Variants in RRM2B observed in about 807,000 individuals in gnomAD.
RRM2B encodes ribonucleoside-diphosphate reductase subunit M2 B.
A neutral mutation model predicts 45.9 loss-of-function variants in RRM2B; 20 were observed. The ratio of observed to expected loss-of-function variants is 0.44; its 90% CI spans 0.31 to 0.63. The LOEUF is 0.63. Ranked by LOEUF, RRM2B falls within the 30% of genes least tolerant of loss-of-function variation. RRM2B has a pLI of 0.09. For missense variants in RRM2B, 320 were observed against 414.7 expected, an observed-to-expected ratio of 0.77 and a Z score of 1.98; for synonymous variants, 124 against 132.3, an observed-to-expected ratio of 0.94 and a Z score of 0.43.
chr8:102,238,322 C>A, intron 1 of RRM2B: 1 of 341,062 alleles, frequency 2.9e-6, no homozygotes, highest in Non-Finnish European at 5.7e-6. Flanking sequence ...GATTTTTTCA[C>A]TGGGAGGAGG....
intron 3 of RRM2B, 149 bp from the exon 4 acceptor site, chr8:102,225,167 T>C: frequency 2.8e-6 from 2 of 722,086 alleles, no homozygotes; most frequent in Non-Finnish European, 4.8e-6. Flanking sequence ...TTTTAAGCAG[T>C]ATCCTAGGCA....
intron 6 of RRM2B, 74 bp from the exon 7 acceptor site, chr8:102,214,232 T>C: frequency 1.0e-6 from 1 of 1,001,426 alleles, no homozygotes; most frequent in South Asian, 1.3e-5. Flanking sequence ...GGTCAAGCAT[T>C]GTATAAAGTG....
chr8:102,222,420 T>G (rs1810852538), intron 5 of RRM2B, among the ~76,000 whole-genome samples: 1 of 152,182 alleles, frequency 6.6e-6, no homozygotes. Flanking sequence ...GAGGCAAACA[T>G]ATCTGCTTCA....
At chr8:102,224,817 G>A in intron 4 of RRM2B, 68 bp downstream of exon 4, 2 of 1,435,724 alleles carry the variant, frequency 1.4e-6, no homozygotes, top group Non-Finnish European at 9.8e-7. Context: ...ATTGAGTTTT[G>A]GAATAAATTC....
chr8:102,232,383 G>A, intron 1 of RRM2B, 79 bp from the exon 2 acceptor site: 1 of 1,429,726 alleles, frequency 7.0e-7, no homozygotes, highest in Non-Finnish European at 9.8e-7. Flanking sequence ...ATCTAAGGAA[G>A]TCAGGGAGAC....
chr8:102,209,280 C>T (rs938994023), intron 8 of RRM2B, among the ~76,000 whole-genome samples: 2 of 152,046 alleles, frequency 1.3e-5, no homozygotes. Flanking sequence ...AAAATATGAA[C>T]ACTACAGATA....
At chr8:102,232,330 C>T (rs1443407542) in intron 1 of RRM2B, 26 bp from the exon 2 acceptor site, 2 of 1,606,276 alleles carry the variant, frequency 1.2e-6, no homozygotes, top group African/African-American at 1.3e-5. Flanking sequence ...TACAAACACG[C>T]CTTTTATATA....
intron 5 of RRM2B, among the ~76,000 whole-genome samples, chr8:102,220,247 T>C (rs1810807377): frequency 6.6e-6 from 1 of 152,080 alleles, no homozygotes. Context: ...AAAATCATCA[T>C]CATCATCACT....
chr8:102,224,244 C>A, intron 4 of RRM2B, 104 bp from the exon 5 acceptor site: 2 of 743,552 alleles, frequency 2.7e-6, no homozygotes, highest in Admixed American at 2.0e-5. Context: ...TGCAGTGGCA[C>A]GATCTCGGCT....
At chr8:102,229,037 T>C (rs1810982842) in intron 2 of RRM2B, among the ~76,000 whole-genome samples, 2 of 152,174 alleles carry the variant, frequency 1.3e-5, no homozygotes, top group Non-Finnish European at 2.9e-5. Flanking sequence ...GAGTGGATCA[T>C]GAGGTCAAGA....
Position 102,206,386 on chromosome 8 carries a change from A to C in RRM2B, c.*1747T>G, listed in dbSNP as rs1009292038. 6.6e-6 allele frequency: 1 copy of C among 152,194 alleles called. No homozygotes were observed. Among genetic ancestry groups the C allele is most frequent in the Non-Finnish European group, 1.5e-5 (1 of 68,008 alleles). The allele number at this position is 152,194 out of a possible 1,614,324, so 9.4% of individuals were successfully genotyped here. The stretch of plus-strand genomic sequence containing the variant: ...AGATCAAATGAGATGATGTAAAAAC[A>C]CTTGGCAAACTGAAGCAATGCAAAA... On this transcript the variant is annotated 3_prime_UTR_variant, in exon 9 of 9. Transcript: ENST00000251810.
chr8:102,210,021 G>A (rs1039894473), intron 8 of RRM2B, among the ~76,000 whole-genome samples: 1 of 152,196 alleles, frequency 6.6e-6, no homozygotes, highest in Non-Finnish European at 1.5e-5. Context: ...GGAAAGAGGA[G>A]TGACTGACTG....
At chr8:102,221,721 T>G (rs894221918) in intron 5 of RRM2B, among the ~76,000 whole-genome samples, 1 of 152,218 alleles carries the variant, frequency 6.6e-6, no homozygotes, top group Non-Finnish European at 1.5e-5. Context: ...TGTAGTTACA[T>G]GGTGACTGCC....
chr8:102,215,751 C>T (rs1156461603), intron 6 of RRM2B, among the ~76,000 whole-genome samples: 1 of 151,964 alleles, frequency 6.6e-6, no homozygotes, highest in Non-Finnish European at 1.5e-5. Flanking sequence ...TCCAGACCAG[C>T]CTGGGCAACA....
At chr8:102,217,963 T>C (rs1449162436) in intron 6 of RRM2B, among the ~76,000 whole-genome samples, 1 of 151,948 alleles carries the variant, frequency 6.6e-6, no homozygotes, top group East Asian at 1.9e-4. Flanking sequence ...TAAATTTAAA[T>C]TAGATGATTG....
At chr8:102,236,172 G>C (rs1337886170) in intron 1 of RRM2B, among the ~76,000 whole-genome samples, 1 of 152,218 alleles carries the variant, frequency 6.6e-6, no homozygotes, top group Non-Finnish European at 1.5e-5. Context: ...ATCAGACTAA[G>C]AGGTTAGGAA....
rs1810537651 is a variant in RRM2B, at chr8:102,205,962, A to G, written c.*2171T>C. 6.6e-6 allele frequency: 1 copy of G among 152,072 alleles called. No individual in the cohort carries two copies. Among genetic ancestry groups the G allele is most frequent in the African/African-American group, 2.4e-5 (1 of 41,424 alleles). The allele number at this position is 152,072 out of a possible 1,614,324, so 9.4% of individuals were successfully genotyped here. On this transcript the variant is annotated 3_prime_UTR_variant, in exon 9 of 9. Transcript: ENST00000251810. ...CACATTAAGGCATCTGTCATTACCT[A>G]TGAAAAAGATTTGGATTCAAAACAA...
At position 102,238,824 on chromosome 8, in the gene RRM2B, T is replaced by C. The variant is rs1811178725; in HGVS notation, c.48+3A>G. 2 of 1,613,774 alleles carry C rather than the reference T, an allele frequency of 1.2e-6. No individual in the cohort carries two copies. Among genetic ancestry groups the C allele is most frequent in the Non-Finnish European group, 1.7e-6 (2 of 1,179,914 alleles). ...AGGGGGAAGACGCAACAGCAACATT[T>C]ACCTCATCCTGATCCAGCCCGGCCG... On this transcript the variant is annotated splice_donor_region_variant and intron_variant, in intron 1 of 8. Transcript: ENST00000251810.
At chr8:102,225,843 T>G (rs1810922564) in intron 3 of RRM2B, 75 bp downstream of exon 3, 1 of 856,280 alleles carries the variant, frequency 1.2e-6, no homozygotes, top group African/African-American at 1.7e-5. Context: ...TTTGGCTGAA[T>G]TTAATAATCT....
Sources: gnomAD v4.1 joint callset for allele counts (sites outside exome capture counted in the v4.1 genomes callset) on GRCh38, gnomAD v4.1.1 for gene constraint, MANE v1.5 for transcripts, NCBI Gene and HGNC (gene_info 2026-07-23, HGNC 2026-07-21) for gene names.